The following SLC25A21 variants were observed in gnomAD, a reference collection of about 807,000 sequenced individuals.
The protein encoded by SLC25A21 is mitochondrial 2-oxodicarboxylate carrier.
A neutral mutation model predicts 43.8 loss-of-function variants in SLC25A21; 47 were observed. That is an observed-to-expected ratio of 1.07 (90% confidence interval 0.85 to 1.37). The LOEUF is 1.37. SLC25A21 is among the 40% of genes most tolerant of loss of function. The probability of loss-of-function intolerance (pLI) is 0.00; values close to 1 mark genes in which losing one functional copy is unlikely to be tolerated. For missense variants in SLC25A21, 352 were observed against 350.2 expected (o/e 1.00, Z -0.04); for synonymous variants, 131 against 121.3 (o/e 1.08, Z -0.52).
At chr14:37,007,884 C>T (rs1273488149) in intron 1 of SLC25A21, among the ~76,000 whole-genome samples, 1 of 152,042 alleles carries the variant, frequency 6.6e-6, no homozygotes, top group Non-Finnish European at 1.5e-5. Flanking sequence ...ATACAATTTC[C>T]ACTTAAACTT....
At chr14:36,982,217 A>G (rs2138701092) in intron 1 of SLC25A21, among the ~76,000 whole-genome samples, 1 of 152,362 alleles carries the variant, frequency 6.6e-6, no homozygotes, top group South Asian at 2.1e-4. Flanking sequence ...CTCATTTTCA[A>G]ATAAGTTTTA....
chr14:37,098,642 T>C (rs1045955484), intron 1 of SLC25A21: 7 of 152,092 alleles, frequency 4.6e-5, no homozygotes, highest in Non-Finnish European at 7.3e-5. Flanking sequence ...GAAAAGATGA[T>C]TTGCTATTTC....
At chr14:36,804,647 C>G (rs900926346) in intron 3 of SLC25A21, among the ~76,000 whole-genome samples, 1 of 152,180 alleles carries the variant, frequency 6.6e-6, no homozygotes, top group Non-Finnish European at 1.5e-5. Context: ...AATTCCAAAC[C>G]ACCTGGAAGA....
chr14:37,024,055 G>A (rs1346789764), intron 1 of SLC25A21, among the ~76,000 whole-genome samples: 1 of 152,100 alleles, frequency 6.6e-6, no homozygotes, highest in Non-Finnish European at 1.5e-5. Context: ...CTCAACAGAG[G>A]ACAGCAGTGA....
intron 1 of SLC25A21, among the ~76,000 whole-genome samples, chr14:37,091,528 G>A (rs1442049599): frequency 4.6e-5 from 7 of 151,816 alleles, no homozygotes; most frequent in Admixed American, 4.6e-4. Context: ...CCAACACATA[G>A]CACTAAATAG....
At chr14:36,752,236 C>G (rs1044759976) in intron 3 of SLC25A21, among the ~76,000 whole-genome samples, 1 of 152,056 alleles carries the variant, frequency 6.6e-6, no homozygotes, top group African/African-American at 2.4e-5. Context: ...TAAAGAAATC[C>G]TAGAAAATAA....
chr14:37,055,861 G>A (rs1461157049), intron 1 of SLC25A21, among the ~76,000 whole-genome samples: 3 of 152,184 alleles, frequency 2.0e-5, no homozygotes, highest in East Asian at 1.9e-4. Context: ...TCCATAAAAT[G>A]ATGCTGATAT....
rs139628948 is a variant in SLC25A21 at position 36,747,918 on chromosome 14, G to A, written c.204-13345C>T. On this transcript the variant is annotated intron_variant, in intron 3 of 9. Coordinates refer to ENST00000331299, the MANE Select transcript of SLC25A21 (RefSeq NM_030631.4). ...AATTAGTCTCCAAAGGAAAAGTGTG[G>A]TGACCGTTTGTATTTCTACAGGAAT... Among the ~76,000 whole-genome samples, 1,019 of 152,288 alleles carry A rather than the reference G, an allele frequency of 6.7e-3. 10 individuals are homozygous for A. The highest frequency in any genetic ancestry group is 0.023 in the African/African-American group (972 of 41,556).
intron 3 of SLC25A21, among the ~76,000 whole-genome samples, chr14:36,780,565 TC>T (rs1242414387): frequency 6.6e-6 from 1 of 152,096 alleles, no homozygotes; most frequent in Non-Finnish European, 1.5e-5. Context: ...TTTTTTGATT[TC>T]CCTTTTTATT....
At chr14:37,137,333 A>T (rs985741109) in intron 1 of SLC25A21, among the ~76,000 whole-genome samples, 7 of 152,214 alleles carry the variant, frequency 4.6e-5, no homozygotes, top group Non-Finnish European at 1.0e-4. Flanking sequence ...AAATAAATAT[A>T]AATAATGGTA....
chr14:37,094,619 TATAC>T (rs1340561233), intron 1 of SLC25A21, among the ~76,000 whole-genome samples: 1 of 151,868 alleles, frequency 6.6e-6, no homozygotes, highest in Admixed American at 6.6e-5. Context: ...CATATATATA[TATAC>T]AAATACACAC....
intron 7 of SLC25A21, among the ~76,000 whole-genome samples, chr14:36,698,657 A>G (rs1322350718): frequency 6.6e-6 from 1 of 151,786 alleles, no homozygotes; most frequent in African/African-American, 2.4e-5. Flanking sequence ...ACTTAATTTC[A>G]TTAATTTGAT....
At chr14:37,027,118 C>G (rs751838146) in intron 1 of SLC25A21, among the ~76,000 whole-genome samples, 8 of 152,090 alleles carry the variant, frequency 5.3e-5, no homozygotes, top group Admixed American at 1.3e-4. Context: ...ATTACAAGAA[C>G]CAGGTTACAA....
intron 7 of SLC25A21, among the ~76,000 whole-genome samples, chr14:36,708,320 G>C (rs958539904): frequency 6.6e-6 from 1 of 152,100 alleles, no homozygotes; most frequent in Non-Finnish European, 1.5e-5. Flanking sequence ...ATTAATAAAT[G>C]AATCACTTAT....
At chr14:36,755,265 G>A (rs897617725) in intron 3 of SLC25A21, among the ~76,000 whole-genome samples, 17 of 152,178 alleles carry the variant, frequency 1.1e-4, no homozygotes, top group African/African-American at 3.9e-4. Context: ...CACTGAAGAA[G>A]CAACAGTGTG....
chr14:36,761,288 A>T (rs1886146992), intron 3 of SLC25A21, among the ~76,000 whole-genome samples: 1 of 152,194 alleles, frequency 6.6e-6, no homozygotes, highest in African/African-American at 2.4e-5. Context: ...TTGAGGACTT[A>T]TCAGATTAGT....
chr14:37,114,122 G>A (rs1295747117), intron 1 of SLC25A21, among the ~76,000 whole-genome samples: 3 of 152,020 alleles, frequency 2.0e-5, no homozygotes, highest in South Asian at 2.1e-4. Flanking sequence ...TTCCTCCTAC[G>A]CACCATAATA....
chr14:36,810,280 G>A (rs1888192746), intron 3 of SLC25A21, among the ~76,000 whole-genome samples: 3 of 152,092 alleles, frequency 2.0e-5, no homozygotes, highest in Admixed American at 2.0e-4. Flanking sequence ...TATATTATTT[G>A]ATATCAAAGC....
intron 2 of SLC25A21, among the ~76,000 whole-genome samples, chr14:36,858,523 T>G (rs181537764): frequency 2.0e-5 from 3 of 152,334 alleles, no homozygotes; most frequent in Admixed American, 6.5e-5. Context: ...GTCTATCGTC[T>G]ATGACCCATT....
Sources: allele counts gnomAD v4.1 joint callset (sites outside exome capture counted in the v4.1 genomes callset), GRCh38; gene constraint gnomAD v4.1.1; transcripts MANE v1.5; gene names NCBI Gene and HGNC (gene_info 2026-07-23, HGNC 2026-07-21).